The following CHD2 variants were observed in gnomAD, a reference collection of about 807,000 sequenced individuals.
CHD2 encodes chromodomain helicase DNA binding protein 2, also known as ATP-dependent chromatin remodeler CHD2.
In CHD2, 28 loss-of-function variants were observed where a neutral mutation model predicts 243.9. The observed-to-expected ratio is 0.11, with a 90% CI of 0.09 to 0.16. The LOEUF is 0.16. Among genes scored for constraint, CHD2 ranks in the 10% least tolerant of loss-of-function variants. The pLI, the probability that CHD2 is intolerant of heterozygous loss-of-function variation, is 1.00. For missense variants in CHD2, 1,386 were observed against 2,209.8 expected, an observed-to-expected ratio of 0.63 and a Z score of 7.47; for synonymous variants, 775 against 779.0, an observed-to-expected ratio of 0.99 and a Z score of 0.09.
intron 2 of CHD2, among the ~76,000 whole-genome samples, chr15:92,921,219 G>T (rs1257360680): frequency 1.3e-5 from 2 of 152,120 alleles, no homozygotes; most frequent in South Asian, 4.2e-4. Flanking sequence ...AATTAGAGAG[G>T]TATTTAATTT....
In CHD2 at chr15:93,024,925, C is replaced by G. The variant is rs1237745556; in HGVS notation, c.*220C>G. 1 of 507,642 alleles carries G rather than the reference C, an allele frequency of 2.0e-6. No homozygotes were observed. The highest frequency in any genetic ancestry group is 3.5e-6 in the Non-Finnish European group (1 of 289,846). The allele number at this position is 507,642 out of a possible 1,614,324, so 31.4% of individuals were successfully genotyped here. ...CTGCACTTTGGCACCCCATCCCATT[C>G]CAGCCTAGTTCTGGCCTCCCACTTT... On this transcript the variant is annotated 3_prime_UTR_variant, in exon 39 of 39. Transcript: ENST00000394196.
Position 93,008,116 on chromosome 15 carries a change from G to T in CHD2, c.4414-1029G>T, listed in dbSNP as rs1074512. On this transcript the variant is annotated intron_variant, in intron 34 of 38. Coordinates refer to ENST00000394196, the MANE Select transcript of CHD2 (RefSeq NM_001271.4). ...CAGGATCATTTGGTGTTTCCTCTGG[G>T]GCGGTCACATTTTGTGAAGAATGCC... 3.3e-5 allele frequency among the ~76,000 whole-genome samples: 5 copies of T among 151,982 alleles called. No individual in the cohort carries two copies. In the South Asian group the frequency reaches 1.0e-3, roughly 32 times the overall value.
intron 37 of CHD2, among the ~76,000 whole-genome samples, chr15:93,015,781 G>C (rs949271160): frequency 6.6e-6 from 1 of 152,112 alleles, no homozygotes; most frequent in African/African-American, 2.4e-5. Flanking sequence ...TGATCATCAG[G>C]GAAATGCAAA....
intron 13 of CHD2, among the ~76,000 whole-genome samples, chr15:92,950,712 C>T (rs1030185432): frequency 6.6e-6 from 1 of 151,016 alleles, no homozygotes; most frequent in African/African-American, 2.4e-5. Context: ...ATTTTCGCAC[C>T]ATTGCACTCC....
chr15:92,924,385 A>G lies in CHD2; in HGVS notation c.127A>G (p.Ser43Gly). The G allele has an allele frequency of 6.2e-7, 1 of 1,614,160 alleles. No homozygotes were observed. The highest frequency in any genetic ancestry group is 8.5e-7 in the Non-Finnish European group (1 of 1,180,004). The change falls in exon 3 of 39, where the codon AGT (serine) becomes GGT (glycine). Residue 43 changes from serine (S) to glycine (G), a missense_variant. Coordinates refer to ENST00000394196, the MANE Select transcript of CHD2 (RefSeq NM_001271.4). Reference protein sequence around the residue: ...SGSQSESEQGSDPGSGHGSES... With the variant: ...SGSQSESEQGGDPGSGHGSES... ...CAGTCAGTCGGAAAGTGAGCAGGGA[A>G]GTGATCCAGGAAGTGGACATGGCAG... is the stretch of plus-strand genomic sequence containing the variant.
Position 92,965,010 on chromosome 15 carries a change from G to C in CHD2, c.2001-2315G>C, listed in dbSNP as rs541212694. Among the ~76,000 whole-genome samples the C allele has an allele frequency of 2.0e-5, 3 of 151,926 alleles. No individual in the cohort carries two copies. In the East Asian group the frequency reaches 5.8e-4, roughly 29 times the overall value. ...TTTTCACTGCTTTGGTTTAATTTCC[G>C]TTGTTGGTCCTTATTAAAGTAACCT... On this transcript the variant is annotated intron_variant, in intron 16 of 38. Coordinates refer to ENST00000394196, the MANE Select transcript of CHD2 (RefSeq NM_001271.4).
chr15:92,961,004 G>A (rs1009481704), intron 16 of CHD2, among the ~76,000 whole-genome samples: 7 of 152,168 alleles, frequency 4.6e-5, no homozygotes, highest in African/African-American at 9.6e-5. Flanking sequence ...GATTACAGGC[G>A]TGAGCCACTG....
In CHD2 at chr15:92,997,476, CTA is replaced by C; in HGVS notation, c.3885+74_3885+75del. 7 of 1,369,072 alleles carry C rather than the reference CTA, an allele frequency of 5.1e-6. No homozygotes were observed. Among genetic ancestry groups the C allele is most frequent in the Non-Finnish European group, 6.8e-6 (7 of 1,025,558 alleles). 84.8% of individuals were successfully genotyped at this position (1,369,072 alleles called of 1,614,324 possible). A position where few individuals can be genotyped will look rare whatever the true frequency, so the allele number is the denominator to read the frequency against. ...ATATTTTTATATCGATTACTTATTT[CTA>C]ACTATTTTCGAGGGGGCATCAAATT... On this transcript the variant is annotated intron_variant, in intron 30 of 38. Transcript: ENST00000394196. This position sits in a 1 kb window ranked among gnomAD's most constrained non-coding sequence, Gnocchi z 4.1.
Position 92,984,276 on chromosome 15 carries a change from G to A in CHD2, c.3067-54G>A, listed in dbSNP as rs1041194375. On this transcript the variant is annotated intron_variant, in intron 24 of 38. Coordinates refer to ENST00000394196, the MANE Select transcript of CHD2 (RefSeq NM_001271.4). ...TAAAAACACTGGATAAATTGTTTTA[G>A]TAGATGGTGTTTAGAAATAGGGAAA... is the stretch of plus-strand genomic sequence containing the variant. 2.2e-6 allele frequency: 3 copies of A among 1,379,348 alleles called. No homozygotes were observed. In the African/African-American group the frequency reaches 4.4e-5, roughly 20 times the overall value. 85.4% of individuals were successfully genotyped at this position (1,379,348 alleles called of 1,614,324 possible). A position where few individuals can be genotyped will look rare whatever the true frequency, so the allele number is the denominator to read the frequency against.
intron 17 of CHD2, among the ~76,000 whole-genome samples, chr15:92,967,920 C>A (rs180741255): frequency 6.6e-5 from 10 of 151,846 alleles, no homozygotes; most frequent in Non-Finnish European, 1.3e-4. Context: ...TGTATATCTC[C>A]GTTTGTGCAT....
chr15:92,998,477 T>G lies in CHD2; in HGVS notation c.3886-22T>G. On this transcript the variant is annotated intron_variant, in intron 30 of 38. Transcript: ENST00000394196. The surrounding 1 kb of genome is among the most constrained non-coding windows in gnomAD (Gnocchi z 5.1). Reference sequence around the variant, plus strand: ...CCAGGATGTGGGTGGTGGCGGGTGCTTCTCTTCCTTTCTTGTTGAAGATTC... The same window carrying G: ...CCAGGATGTGGGTGGTGGCGGGTGCGTCTCTTCCTTTCTTGTTGAAGATTC... 3.1e-6 allele frequency: 5 copies of G among 1,613,376 alleles called. No homozygotes were observed. Among genetic ancestry groups the G allele is most frequent in the Non-Finnish European group, 4.2e-6 (5 of 1,179,550 alleles).
At chr15:93,008,468 C>G (rs762756539) in intron 34 of CHD2, among the ~76,000 whole-genome samples, 1 of 152,194 alleles carries the variant, frequency 6.6e-6, no homozygotes, top group African/African-American at 2.4e-5. Flanking sequence ...CTGAAGACAC[C>G]TCGCCGTTGG....
At chr15:92,946,526 G>C in intron 12 of CHD2, 1 of 164,220 alleles carries the variant, frequency 6.1e-6, no homozygotes, top group Non-Finnish European at 1.3e-5. Flanking sequence ...TCGCTGTGTC[G>C]CCCAGGCTGG....
At chr15:93,009,407 A>AT in intron 35 of CHD2, 84 bp downstream of exon 35, 11 of 1,311,322 alleles carry the variant, frequency 8.4e-6, no homozygotes, top group Non-Finnish European at 1.1e-5. Flanking sequence ...AAGGTGGCAT[A>AT]GCCACCTAAG....
intron 31 of CHD2, among the ~76,000 whole-genome samples, chr15:92,999,262 C>G (rs1034477442): frequency 1.3e-5 from 2 of 152,158 alleles, no homozygotes; most frequent in African/African-American, 4.8e-5. Context: ...AATTTTGGAA[C>G]ATAGTTGCAG....
Position 92,942,463 on chromosome 15 carries a change from G to A in CHD2, c.827-380G>A, listed in dbSNP as rs553371797. Among the ~76,000 whole-genome samples the A allele has an allele frequency of 4.7e-5, 7 of 149,250 alleles. No homozygotes were observed. In the South Asian group the frequency reaches 8.4e-4, roughly 18 times the overall value. ...TCGATTGAGGTTAAGAAAGTTAACC[G>A]GGGACTTCGAGTAGGGGAGGTTGGA... On this transcript the variant is annotated intron_variant, in intron 8 of 38. Coordinates refer to ENST00000394196, the MANE Select transcript of CHD2 (RefSeq NM_001271.4).
intron 2 of CHD2, chr15:92,902,417 A>C (rs965924933): frequency 2.7e-6 from 1 of 371,664 alleles, no homozygotes; most frequent in Non-Finnish European, 4.8e-6. Flanking sequence ...GATGTGATTC[A>C]TTATGTGGTT....
chr15:92,979,467 C>A (rs937556226), intron 22 of CHD2, among the ~76,000 whole-genome samples, 184 bp downstream of exon 22: 3 of 152,062 alleles, frequency 2.0e-5, no homozygotes, highest in Non-Finnish European at 2.9e-5. Context: ...CCCATCACCC[C>A]CCTTCTTATG....
chr15:92,917,518 G>A (rs926338825), intron 2 of CHD2, among the ~76,000 whole-genome samples: 4 of 152,128 alleles, frequency 2.6e-5, no homozygotes, highest in African/African-American at 9.7e-5. Flanking sequence ...CCGAGATCAC[G>A]CCACTGCACT....
Sources: allele counts gnomAD v4.1 joint callset (sites outside exome capture counted in the v4.1 genomes callset), GRCh38; gene constraint gnomAD v4.1.1; non-coding constraint Gnocchi (gnomAD v3.1); transcripts MANE v1.5; gene names NCBI Gene and HGNC (gene_info 2026-07-23, HGNC 2026-07-21).